The following RASGRF2 variants were observed in gnomAD, a reference collection of about 807,000 sequenced individuals.
RASGRF2 encodes the protein ras-specific guanine nucleotide-releasing factor 2.
In RASGRF2, 76 loss-of-function variants were observed where a neutral mutation model predicts 151.0. The observed-to-expected ratio is 0.50, with a 90% CI of 0.42 to 0.61. The LOEUF (loss-of-function observed/expected upper bound fraction) is 0.61, where lower values mean the gene tolerates loss of function less well. Among genes scored for constraint, RASGRF2 ranks in the 20% least tolerant of loss-of-function variants. RASGRF2 has a pLI of 0.00. For missense variants in RASGRF2, 1,148 were observed against 1,564.6 expected, an observed-to-expected ratio of 0.73 and a Z score of 4.49; for synonymous variants, 504 against 566.5, an observed-to-expected ratio of 0.89 and a Z score of 1.57.
chr5:81,215,616 GTTTC>G (rs1485319767), intron 23 of RASGRF2, among the ~76,000 whole-genome samples: 1 of 152,122 alleles, frequency 6.6e-6, no homozygotes, highest in African/African-American at 2.4e-5. Context: ...CCGTTGCAGT[GTTTC>G]TTTCCACACA....
Position 81,219,795 on chromosome 5 carries a change from G to C in RASGRF2, c.3621+17G>C. The C allele has an allele frequency of 6.4e-7, 1 of 1,567,690 alleles. No homozygotes were observed. Among genetic ancestry groups the C allele is most frequent in the South Asian group, 1.2e-5 (1 of 86,918 alleles). On this transcript the variant is annotated intron_variant, in intron 26 of 26. Transcript: ENST00000265080. ...CAGCCAAAGGTAATATTATGTGGCTGTGAAGAAATTAATAAAGAAAAAAGG... is the reference window on the plus strand; with the variant it reads ...CAGCCAAAGGTAATATTATGTGGCTCTGAAGAAATTAATAAAGAAAAAAGG...
At chr5:81,093,774 TTGTGTC>T (rs1407169915) in intron 10 of RASGRF2, among the ~76,000 whole-genome samples, 3 of 152,164 alleles carry the variant, frequency 2.0e-5, no homozygotes, top group African/African-American at 7.2e-5. Context: ...GCGCATGTCT[TTGTGTC>T]TGTGGCTGCT....
At chr5:80,996,514 C>T (rs1277844246) in intron 1 of RASGRF2, among the ~76,000 whole-genome samples, 12,859 of 34,240 alleles carry the variant, frequency 0.38, 940 homozygotes, top group African/African-American at 0.44. Flanking sequence ...CCTCCTCCTC[C>T]TCCTCCCCCT....
chr5:81,154,379 T>C (rs1289942077), intron 17 of RASGRF2, among the ~76,000 whole-genome samples: 1 of 152,170 alleles, frequency 6.6e-6, no homozygotes, highest in African/African-American at 2.4e-5. Flanking sequence ...TAGCTAGGAC[T>C]ACTGGACTGA....
At position 81,130,899 on chromosome 5, in the gene RASGRF2, G is replaced by A. The variant is rs910737079; in HGVS notation, c.2686+3736G>A. Among the ~76,000 whole-genome samples the A allele has an allele frequency of 2.1e-5, 3 of 142,386 alleles. No homozygotes were observed. In the South Asian group the frequency reaches 6.2e-4, roughly 30 times the overall value. The allele number at this position is 142,386 out of a possible 152,430, so 93.4% of individuals were successfully genotyped here. On this transcript the variant is annotated intron_variant, in intron 17 of 26. Transcript: ENST00000265080. Reference sequence around the variant, plus strand: ...GTCCTTGCTCCTAACAGGAAACAAGGTATAGCCCAGCCAAGCCAGAGGTCT... The same window carrying A: ...GTCCTTGCTCCTAACAGGAAACAAGATATAGCCCAGCCAAGCCAGAGGTCT...
At chr5:81,038,148 A>G (rs1002113137) in intron 1 of RASGRF2, among the ~76,000 whole-genome samples, 1 of 152,122 alleles carries the variant, frequency 6.6e-6, no homozygotes, top group African/African-American at 2.4e-5. Context: ...GATTGATTCC[A>G]GTTTTTTTGT....
chr5:81,166,696 G>A (rs140729233), intron 17 of RASGRF2, among the ~76,000 whole-genome samples: 32 of 152,174 alleles, frequency 2.1e-4, no homozygotes, highest in South Asian at 6.2e-4. Flanking sequence ...TGAGGTCAGC[G>A]AAAGGATGGT....
chr5:81,203,800 A>G (rs193105281), intron 19 of RASGRF2, among the ~76,000 whole-genome samples: 1 of 152,350 alleles, frequency 6.6e-6, no homozygotes, highest in African/African-American at 2.4e-5. Flanking sequence ...GGTTAACACA[A>G]TGCCTGAAAA....
At position 81,043,062 on chromosome 5, in the gene RASGRF2, G is replaced by A; in HGVS notation, c.395+79G>A. On this transcript the variant is annotated intron_variant, in intron 2 of 26. Coordinates refer to ENST00000265080, the MANE Select transcript of RASGRF2 (RefSeq NM_006909.3). ...GTTATCACTGTTGGTGGTAGTTTTG[G>A]AAGAACTTGCAACTCTAAGATGAGT... 4 of 1,103,890 alleles carry A rather than the reference G, an allele frequency of 3.6e-6. No individual in the cohort carries two copies. In the South Asian group the frequency reaches 6.0e-5, roughly 17 times the overall value. The allele number at this position is 1,103,890 out of a possible 1,614,324, so 68.4% of individuals were successfully genotyped here. A position where few individuals can be genotyped will look rare whatever the true frequency, so the allele number is the denominator to read the frequency against.
At chr5:81,220,403 T>C (rs1218522374) in intron 26 of RASGRF2, among the ~76,000 whole-genome samples, 1 of 152,234 alleles carries the variant, frequency 6.6e-6, no homozygotes, top group Non-Finnish European at 1.5e-5. Context: ...AAAATTCCCA[T>C]ATACCTCACA....
At chr5:81,097,649 G>A (rs1318201209) in intron 12 of RASGRF2, among the ~76,000 whole-genome samples, 1 of 152,152 alleles carries the variant, frequency 6.6e-6, no homozygotes, top group Non-Finnish European at 1.5e-5. Context: ...GTAGGTGATG[G>A]AGATACCGTG....
chr5:81,224,484 C>A (rs750756514), intron 26 of RASGRF2, among the ~76,000 whole-genome samples: 7 of 152,184 alleles, frequency 4.6e-5, no homozygotes, highest in African/African-American at 7.2e-5. Context: ...TTAGAAGTTT[C>A]TTAAAATGTT....
At chr5:81,063,606 C>T (rs1751506741) in intron 2 of RASGRF2, among the ~76,000 whole-genome samples, 1 of 152,062 alleles carries the variant, frequency 6.6e-6, no homozygotes, top group South Asian at 2.1e-4. Flanking sequence ...GGAACTCCCA[C>T]AAGACAGATA....
At chr5:81,158,661 G>C (rs368923568) in intron 17 of RASGRF2, among the ~76,000 whole-genome samples, 1 of 152,102 alleles carries the variant, frequency 6.6e-6, no homozygotes, top group East Asian at 1.9e-4. Context: ...TGAATAGACA[G>C]CTCATCAAAG....
intron 17 of RASGRF2, among the ~76,000 whole-genome samples, chr5:81,134,404 C>CG (rs1561224915): frequency 6.6e-6 from 1 of 151,852 alleles, no homozygotes; most frequent in African/African-American, 2.4e-5. Context: ...TCACCTTGGA[C>CG]GGTTTCTCTC....
intron 17 of RASGRF2, 114 bp from the exon 18 acceptor site, chr5:81,180,061 C>A: frequency 4.6e-6 from 3 of 657,996 alleles, no homozygotes; most frequent in Non-Finnish European, 8.4e-6. Context: ...ACCTCTCTGC[C>A]AAGAAGTGTC....
intron 1 of RASGRF2, among the ~76,000 whole-genome samples, chr5:81,001,381 A>G (rs1489518650): frequency 6.6e-6 from 1 of 152,134 alleles, no homozygotes; most frequent in African/African-American, 2.4e-5. Flanking sequence ...GTGTTCCTGA[A>G]GGACCCCACA....
At chr5:81,149,294 T>G (rs539258887) in intron 17 of RASGRF2, among the ~76,000 whole-genome samples, 1 of 152,218 alleles carries the variant, frequency 6.6e-6, no homozygotes, top group East Asian at 1.9e-4. Context: ...AAACTACTTA[T>G]GCATAAAACA....
chr5:81,113,603 C>T lies in RASGRF2; in HGVS notation c.2153C>T (p.Ser718Phe). ...NRGEHLVDGK[S>F]PRLCRKFSSP... ...GGTGAACATTTGGTGGATGGCAAAT[C>T]CCCACGTCTGTGTCGCAAATTCTCT... Residue 718 changes from serine (S) to phenylalanine (F), a missense_variant, in exon 15 of 27, where the codon TCC (serine) becomes TTC (phenylalanine). Transcript: ENST00000265080. 1.9e-6 allele frequency: 3 copies of T among 1,608,394 alleles called. No individual in the cohort carries two copies. The highest frequency in any genetic ancestry group is 2.6e-6 in the Non-Finnish European group (3 of 1,174,772).
Sources: allele counts gnomAD v4.1 joint callset (sites outside exome capture counted in the v4.1 genomes callset), GRCh38; gene constraint gnomAD v4.1.1; transcripts MANE v1.5; gene names NCBI Gene and HGNC (gene_info 2026-07-23, HGNC 2026-07-21).